SLC8A2: variants seen among roughly 807,000 people sequenced by gnomAD.
The protein encoded by SLC8A2 is sodium/calcium exchanger 2.
In SLC8A2, 14 loss-of-function variants were observed where a neutral mutation model predicts 70.2. The ratio of observed to expected loss-of-function variants is 0.20; its 90% CI spans 0.13 to 0.31. The LOEUF is 0.31. Ranked by LOEUF, SLC8A2 falls within the 10% of genes least tolerant of loss-of-function variation. The probability of loss-of-function intolerance (pLI) is 1.00; values close to 1 mark genes in which losing one functional copy is unlikely to be tolerated. For missense variants in SLC8A2, 779 were observed against 1,320.1 expected, an observed-to-expected ratio of 0.59 and a Z score of 6.35; for synonymous variants, 575 against 594.3, an observed-to-expected ratio of 0.97 and a Z score of 0.47.
chr19:47,469,053 G>A (rs776370653), intron 1 of SLC8A2, among the ~76,000 whole-genome samples: 1 of 152,150 alleles, frequency 6.6e-6, no homozygotes, highest in African/African-American at 2.4e-5. Context: ...TCCTCTGGGG[G>A]AGGGAGGCAG....
chr19:47,442,167 C>T (rs1035690448), intron 4 of SLC8A2, among the ~76,000 whole-genome samples: 28 of 152,074 alleles, frequency 1.8e-4, no homozygotes, highest in African/African-American at 6.5e-4. Flanking sequence ...AGGATTTGAA[C>T]TTACAACTGT....
rs148938379 is a variant in SLC8A2, at chr19:47,459,987, CT to C, written c.676-2394del. 2.7e-3 allele frequency among the ~76,000 whole-genome samples: 404 copies of C among 152,242 alleles called. 4 individuals carry two copies. Among genetic ancestry groups the C allele is most frequent in the African/African-American group, 9.4e-3 (392 of 41,550 alleles). On this transcript the variant is annotated intron_variant, in intron 2 of 9. Transcript: ENST00000236877. ...CTGTCAAGGGACAGAGCCTGTGTGTCTTCTGGCCTCTCTCTCCCTCCATCTT... is the reference window on the plus strand; with the variant it reads ...CTGTCAAGGGACAGAGCCTGTGTGTCTCTGGCCTCTCTCTCCCTCCATCTT...
intron 3 of SLC8A2, 87 bp downstream of exon 3, chr19:47,456,843 G>T: frequency 7.9e-7 from 1 of 1,267,776 alleles, no homozygotes; most frequent in Non-Finnish European, 1.1e-6. Flanking sequence ...GGAGTCAGTT[G>T]GGAGGCGAAG....
intron 6 of SLC8A2, among the ~76,000 whole-genome samples, chr19:47,440,885 C>G (rs1967091818): frequency 6.6e-6 from 1 of 152,154 alleles, no homozygotes; most frequent in Admixed American, 6.6e-5. Flanking sequence ...GCCACCGCAC[C>G]TGGCCTCACC....
rs1373368118 is a variant in SLC8A2, at chr19:47,430,281, G to A, written c.2574C>T (p.Ser858=). The A allele has an allele frequency of 2.5e-6, 4 of 1,612,582 alleles. No individual in the cohort carries two copies. Among genetic ancestry groups the A allele is most frequent in the Admixed American group, 1.7e-5 (1 of 59,888 alleles). Residue 858 remains serine (S), a synonymous_variant, in exon 10 of 10, where the codon TCC becomes TCT. Transcript: ENST00000236877. This position sits in a 1 kb window ranked among gnomAD's most constrained non-coding sequence, Gnocchi z 5.9. ...AGGCGAAGACGGTGAAGAGCGTGACGGAGAAGGCCAGCGTGCCAGTGCGCA... is the reference window on the plus strand; with the variant it reads ...AGGCGAAGACGGTGAAGAGCGTGACAGAGAAGGCCAGCGTGCCAGTGCGCA... The part of the protein sequence containing the change: ...FEVRTGTLAF[S]VTLFTVFAFV...
intron 6 of SLC8A2, among the ~76,000 whole-genome samples, chr19:47,439,748 C>T (rs1007303132): frequency 6.6e-6 from 1 of 151,890 alleles, no homozygotes; most frequent in African/African-American, 2.4e-5. Context: ...ACTGCAACCT[C>T]CACTTTCCAG....
At chr19:47,452,439 AGAGAGAGTGTGTGTGTGTGTGTGTGT>A (rs1967253051) in intron 3 of SLC8A2, among the ~76,000 whole-genome samples, 1 of 77,842 alleles carries the variant, frequency 1.3e-5, no homozygotes, top group Non-Finnish European at 2.5e-5. Flanking sequence ...AGAGAGAGAG[AGAGAGAGTGTGTGTGTGTGTGTGTGT>A]GTGTGTGTGT....
chr19:47,461,718 T>C (rs1479740331), intron 2 of SLC8A2, among the ~76,000 whole-genome samples: 1 of 152,244 alleles, frequency 6.6e-6, no homozygotes, highest in Non-Finnish European at 1.5e-5. Flanking sequence ...CTCTCTCCCT[T>C]GTATTAATTG....
chr19:47,466,985 A>G lies in SLC8A2; in HGVS notation c.-16-566T>C, dbSNP rs1160474979. 6.6e-6 allele frequency among the ~76,000 whole-genome samples: 1 copy of G among 152,142 alleles called. No individual in the cohort carries two copies. On this transcript the variant is annotated intron_variant, in intron 1 of 9. Coordinates refer to ENST00000236877, the MANE Select transcript of SLC8A2 (RefSeq NM_015063.3). The surrounding 1 kb of genome is among the most constrained non-coding windows in gnomAD (Gnocchi z 6.9). Reference sequence around the variant, plus strand: ...GGCAGGAGAATCACTTGAACCTGGGAGGCGGAGGTTGCAGTGAGCTGAGAT... The same window carrying G: ...GGCAGGAGAATCACTTGAACCTGGGGGGCGGAGGTTGCAGTGAGCTGAGAT...
At chr19:47,455,023 G>A (rs575398386) in intron 3 of SLC8A2, among the ~76,000 whole-genome samples, 2 of 152,264 alleles carry the variant, frequency 1.3e-5, no homozygotes, top group South Asian at 4.1e-4. Context: ...GAAGGTGAAG[G>A]TTGCAGTGAG....
chr19:47,436,111 C>T (rs767015955), intron 8 of SLC8A2, among the ~76,000 whole-genome samples: 1 of 152,218 alleles, frequency 6.6e-6, no homozygotes, highest in African/African-American at 2.4e-5. Flanking sequence ...TCCAGGGCTT[C>T]TGTGCTTGGC....
In SLC8A2 at chr19:47,441,159, C is replaced by T. The variant is rs772709281; in HGVS notation, c.1885+10G>A. 1.2e-6 allele frequency: 2 copies of T among 1,613,076 alleles called. No homozygotes were observed. The highest frequency in any genetic ancestry group is 8.5e-7 in the Non-Finnish European group (1 of 1,179,064). The stretch of plus-strand genomic sequence containing the variant: ...CTCCCCACTCAGAGCCCAGAGGTGA[C>T]TTCACTCACCTTGATTGAGTAGCAG... On this transcript the variant is annotated intron_variant, in intron 6 of 9. Coordinates refer to ENST00000236877, the MANE Select transcript of SLC8A2 (RefSeq NM_015063.3).
At position 47,468,032 on chromosome 19, in the gene SLC8A2, G is replaced by C. The variant is rs570743363; in HGVS notation, c.-16-1613C>G. ...AAAACAAAACAAAACCAAAAACAAA[G>C]CCCACAAATCAGCTTGCCTCATCCC... is the stretch of plus-strand genomic sequence containing the variant. On this transcript the variant is annotated intron_variant, in intron 1 of 9. Coordinates refer to ENST00000236877, the MANE Select transcript of SLC8A2 (RefSeq NM_015063.3). The surrounding 1 kb of genome is among the most constrained non-coding windows in gnomAD (Gnocchi z 5.1). 1.1e-4 allele frequency among the ~76,000 whole-genome samples: 17 copies of C among 151,518 alleles called. 1 individual carries two copies. The highest frequency in any genetic ancestry group is 4.0e-4 in the Admixed American group (6 of 15,186).
Position 47,466,198 on chromosome 19 carries a change from G to A in SLC8A2, c.206C>T (p.Ala69Val), listed in dbSNP as rs746692355. 8.2e-5 allele frequency: 132 copies of A among 1,612,722 alleles called. 1 individual carries two copies. Among genetic ancestry groups the A allele is most frequent in the South Asian group, 5.1e-4 (46 of 91,072 alleles). Residue 69 changes from alanine to valine, a missense_variant, in exon 2 of 10, where the codon GCG becomes GTG. By Grantham distance (64) the Ala-to-Val change is moderately conservative (BLOSUM62 0). Around this residue, in one of 6 missense-constraint regions of SLC8A2, gnomAD observed 155 missense variants for 318.6 expected, o/e 0.49. Transcript: ENST00000236877. This position sits in a 1 kb window ranked among gnomAD's most constrained non-coding sequence, Gnocchi z 6.9. ...EPDDPSLGDK[A>V]ARAVVYFVAM... is the part of the protein sequence containing the mutation. ...CACAAAGTACACCACTGCCCGTGCC[G>A]CCTTGTCACCCAGCGACGGGTCGTC...
chr19:47,437,363 T>A, intron 8 of SLC8A2, 99 bp downstream of exon 8: 2 of 907,762 alleles, frequency 2.2e-6, no homozygotes, highest in Non-Finnish European at 3.6e-6. Context: ...GCGCCCGGCC[T>A]GTTTATCTTT....
In SLC8A2 at chr19:47,465,082, G is replaced by A. The variant is rs1254424847; in HGVS notation, c.675+647C>T. Among the ~76,000 whole-genome samples, 2 of 152,170 alleles carry A rather than the reference G, an allele frequency of 1.3e-5. No homozygotes were observed. The highest frequency in any genetic ancestry group is 3.8e-4 in the East Asian group (2 of 5,198). On this transcript the variant is annotated intron_variant, in intron 2 of 9. Coordinates refer to ENST00000236877, the MANE Select transcript of SLC8A2 (RefSeq NM_015063.3). The surrounding 1 kb of genome is among the most constrained non-coding windows in gnomAD (Gnocchi z 5.5). Reference sequence around the variant, plus strand: ...AATTATCCCAACATCAGAAATTGATGATGAATAATGAATGAATTATGCAAA... The same window carrying A: ...AATTATCCCAACATCAGAAATTGATAATGAATAATGAATGAATTATGCAAA...
chr19:47,461,379 T>C (rs1300667099), intron 2 of SLC8A2, among the ~76,000 whole-genome samples: 2 of 142,476 alleles, frequency 1.4e-5, no homozygotes, highest in Non-Finnish European at 3.1e-5. Flanking sequence ...TGTGGTGGCG[T>C]GCGCCTGTAA....
intron 2 of SLC8A2, among the ~76,000 whole-genome samples, chr19:47,463,290 G>A (rs1299509182): frequency 6.9e-6 from 1 of 145,974 alleles, no homozygotes; most frequent in African/African-American, 2.5e-5. Context: ...CCGCCACCAC[G>A]CCCGGCTAAT....
At position 47,430,875 on chromosome 19, in the gene SLC8A2, A is replaced by G. The variant is rs1414778768; in HGVS notation, c.2390-410T>C. On this transcript the variant is annotated intron_variant, in intron 9 of 9. Transcript: ENST00000236877. This position sits in a 1 kb window ranked among gnomAD's most constrained non-coding sequence, Gnocchi z 5.9. ...TGAGTAGCTGGGATTACAGGCGCCC[A>G]CCACGCCCTGCTAAGATTTTGTGTT... Among the ~76,000 whole-genome samples the G allele has an allele frequency of 6.6e-6, 1 of 151,878 alleles. No homozygotes were observed. The highest frequency in any genetic ancestry group is 2.4e-5 in the African/African-American group (1 of 41,300).
Sources: gnomAD v4.1 joint callset for allele counts (sites outside exome capture counted in the v4.1 genomes callset) on GRCh38, gnomAD v4.1.1 for gene constraint, gnomAD v4.1.1 regional missense constraint, Gnocchi (gnomAD v3.1) non-coding constraint, MANE v1.5 for transcripts, NCBI Gene and HGNC (gene_info 2026-07-23, HGNC 2026-07-21) for gene names.